Variants in LDB2 observed in about 807,000 individuals in gnomAD.
The protein encoded by LDB2 is LIM domain binding 2.
In LDB2, 12 loss-of-function variants were observed where a neutral mutation model predicts 44.3. The observed-to-expected ratio is 0.27, with a 90% CI of 0.17 to 0.44. The LOEUF is 0.44. Ranked by LOEUF, LDB2 falls within the 20% of genes least tolerant of loss-of-function variation. The pLI is 1.00. For synonymous variants in LDB2, 164 were observed against 174.8 expected (o/e 0.94, Z 0.49); for missense variants, 344 against 473.5 (o/e 0.73, Z 2.54).
intron 4 of LDB2, among the ~76,000 whole-genome samples, chr4:16,586,487 TACACACAC>T (rs5856368): frequency 7.9e-4 from 102 of 128,932 alleles, no homozygotes; most frequent in African/African-American, 2.0e-3. Context: ...TGTCTTGAAA[TACACACAC>T]ACACACACAC....
chr4:16,876,167 G>T (rs947001216), intron 1 of LDB2, among the ~76,000 whole-genome samples: 4 of 152,196 alleles, frequency 2.6e-5, no homozygotes, highest in Non-Finnish European at 5.9e-5. Flanking sequence ...GACTATGCTA[G>T]ACAGAAATTC....
chr4:16,642,835 C>T (rs1735588751), intron 2 of LDB2, among the ~76,000 whole-genome samples: 1 of 152,148 alleles, frequency 6.6e-6, no homozygotes, highest in Admixed American at 6.5e-5. Flanking sequence ...AGACATTGGA[C>T]AAATAAATCA....
chr4:16,749,868 C>T (rs1765150323), intron 2 of LDB2, among the ~76,000 whole-genome samples: 1 of 152,140 alleles, frequency 6.6e-6, no homozygotes, highest in African/African-American at 2.4e-5. Flanking sequence ...AGAGCGTTTT[C>T]TCTCATGAGT....
intron 1 of LDB2, among the ~76,000 whole-genome samples, chr4:16,806,312 C>G (rs1778783636): frequency 6.6e-6 from 1 of 152,230 alleles, no homozygotes; most frequent in Non-Finnish European, 1.5e-5. Flanking sequence ...ACACCTCTTT[C>G]TTTCCCCATG....
intron 2 of LDB2, among the ~76,000 whole-genome samples, chr4:16,734,703 C>CTTTTTTTT (rs539507998): frequency 3.1e-4 from 40 of 129,336 alleles, no homozygotes; most frequent in Non-Finnish European, 4.2e-4. Flanking sequence ...TTCTTGTTTT[C>CTTTTTTTT]TTTTTTTTTT....
chr4:16,656,166 C>T (rs1739801163), intron 2 of LDB2, among the ~76,000 whole-genome samples: 1 of 152,160 alleles, frequency 6.6e-6, no homozygotes, highest in Non-Finnish European at 1.5e-5. Context: ...TCCCAAAGTG[C>T]TGGGATTACA....
At chr4:16,739,111 C>A (rs555318870) in intron 2 of LDB2, among the ~76,000 whole-genome samples, 31 of 152,114 alleles carry the variant, frequency 2.0e-4, no homozygotes, top group African/African-American at 7.5e-4. Flanking sequence ...TTAATTAAAC[C>A]AATCTAAGGC....
chr4:16,617,568 C>T (rs1003085066), intron 2 of LDB2, among the ~76,000 whole-genome samples: 13 of 152,052 alleles, frequency 8.5e-5, no homozygotes, highest in African/African-American at 1.4e-4. Flanking sequence ...GTATAGAAAA[C>T]GTGAAATCAT....
intron 1 of LDB2, among the ~76,000 whole-genome samples, chr4:16,774,330 G>A (rs986211268): frequency 1.3e-5 from 2 of 152,032 alleles, no homozygotes; most frequent in Non-Finnish European, 2.9e-5. Context: ...TTATTTTCTA[G>A]ACTGAGATAT....
intron 3 of LDB2, among the ~76,000 whole-genome samples, chr4:16,593,368 C>T (rs1470878420): frequency 1.3e-5 from 2 of 151,810 alleles, no homozygotes; most frequent in East Asian, 3.9e-4. Context: ...TAGTAAACAG[C>T]CATGATATTT....
chr4:16,815,371 T>C (rs1303172334), intron 1 of LDB2, among the ~76,000 whole-genome samples: 1 of 152,226 alleles, frequency 6.6e-6, no homozygotes, highest in Non-Finnish European at 1.5e-5. Context: ...CTTTTAATTG[T>C]TTCTCCTAGA....
chr4:16,560,296 C>A (rs926409151), intron 5 of LDB2, among the ~76,000 whole-genome samples: 3 of 151,636 alleles, frequency 2.0e-5, no homozygotes, highest in Admixed American at 6.6e-5. Flanking sequence ...TTGAAAGGAT[C>A]AACAAAATGG....
intron 2 of LDB2, among the ~76,000 whole-genome samples, chr4:16,604,686 G>C (rs566704162): frequency 6.6e-6 from 1 of 151,970 alleles, no homozygotes; most frequent in Admixed American, 6.6e-5. Flanking sequence ...GCTATGGAAA[G>C]AAAAACAAAC....
chr4:16,840,230 C>A (rs2110103250), intron 1 of LDB2, among the ~76,000 whole-genome samples: 1 of 152,276 alleles, frequency 6.6e-6, no homozygotes, highest in East Asian at 1.9e-4. Context: ...GCCCAGCAGT[C>A]AGCACCAGTG....
chr4:16,856,073 T>C (rs1398134797), intron 1 of LDB2, among the ~76,000 whole-genome samples: 1 of 152,164 alleles, frequency 6.6e-6, no homozygotes, highest in Non-Finnish European at 1.5e-5. Context: ...ATCCCAAATC[T>C]ATGTGAGGCC....
At chr4:16,776,259 C>CA (rs1771880329) in intron 1 of LDB2, among the ~76,000 whole-genome samples, 1 of 152,156 alleles carries the variant, frequency 6.6e-6, no homozygotes, top group South Asian at 2.1e-4. Context: ...AGGACAATTC[C>CA]AAGGGTCCTT....
At position 16,863,810 on chromosome 4, in the gene LDB2, G is replaced by T. The variant is rs373233860; in HGVS notation, c.132+34544C>A. ...CGAGTAGCTGCGATTACAGGCACCC[G>T]CCACCACGCCCGGCTAATTTTTTGT... is the stretch of plus-strand genomic sequence containing the variant. On this transcript the variant is annotated intron_variant, in intron 1 of 7. Transcript: ENST00000304523. 2.3e-4 allele frequency among the ~76,000 whole-genome samples: 35 copies of T among 152,092 alleles called. 2 individuals are homozygous for T. In the South Asian group the frequency reaches 4.2e-3, roughly 18 times the overall value.
At chr4:16,695,239 T>C (rs561368531) in intron 2 of LDB2, among the ~76,000 whole-genome samples, 2 of 152,244 alleles carry the variant, frequency 1.3e-5, no homozygotes, top group South Asian at 4.1e-4. Context: ...CCACAAAAAG[T>C]ATAATTATTG....
chr4:16,600,515 T>C (rs765238519), intron 2 of LDB2, among the ~76,000 whole-genome samples: 1 of 152,156 alleles, frequency 6.6e-6, no homozygotes, highest in Admixed American at 6.5e-5. Context: ...TATGTATTCA[T>C]GAAAGATAAA....
Sources: allele counts gnomAD v4.1 joint callset (sites outside exome capture counted in the v4.1 genomes callset), GRCh38; gene constraint gnomAD v4.1.1; transcripts MANE v1.5; gene names NCBI Gene and HGNC (gene_info 2026-07-23, HGNC 2026-07-21).